LHFPL3: variants seen among roughly 807,000 people sequenced by gnomAD.
The protein encoded by LHFPL3 is LHFPL tetraspan subfamily member 3 protein.
In LHFPL3, 5 loss-of-function variants were observed where a neutral mutation model predicts 19.3. The ratio of observed to expected loss-of-function variants is 0.26; its 90% confidence interval spans 0.14 to 0.54. The LOEUF is 0.54. LHFPL3 is among the 20% of genes least tolerant of loss of function. The probability of loss-of-function intolerance (pLI) is 0.94; values close to 1 mark genes in which losing one functional copy is unlikely to be tolerated. For synonymous variants in LHFPL3, 133 were observed against 126.2 expected (o/e 1.05, Z -0.36); for missense variants, 249 against 307.4 (o/e 0.81, Z 1.42).
intron 1 of LHFPL3, among the ~76,000 whole-genome samples, chr7:104,542,294 C>A (rs1794500662): frequency 6.6e-6 from 1 of 151,968 alleles, no homozygotes; most frequent in Non-Finnish European, 1.5e-5. Flanking sequence ...GACTTTGTTT[C>A]CCTAAGCAAG....
chr7:104,818,419 T>C (rs1420511095), intron 2 of LHFPL3, among the ~76,000 whole-genome samples: 1 of 150,918 alleles, frequency 6.6e-6, no homozygotes, highest in Admixed American at 6.6e-5. Context: ...CACGTACCTG[T>C]AGTCCCAACT....
At chr7:104,539,147 G>A (rs1383435079) in intron 1 of LHFPL3, among the ~76,000 whole-genome samples, 2 of 152,186 alleles carry the variant, frequency 1.3e-5, no homozygotes, top group Non-Finnish European at 2.9e-5. Flanking sequence ...TCAGGCATCT[G>A]ACCTCCAGAA....
intron 1 of LHFPL3, among the ~76,000 whole-genome samples, chr7:104,655,450 A>G (rs1372607572): frequency 1.3e-5 from 2 of 152,318 alleles, no homozygotes; most frequent in African/African-American, 2.4e-5. Flanking sequence ...TTGGCAGGAA[A>G]TGTTTGGTAT....
intron 1 of LHFPL3, among the ~76,000 whole-genome samples, chr7:104,570,254 G>C (rs1482438438): frequency 2.6e-5 from 4 of 152,166 alleles, no homozygotes; most frequent in African/African-American, 9.7e-5. Flanking sequence ...CCTGGCACAT[G>C]CTCAGCAGTT....
chr7:104,418,029 C>T (rs773155032), intron 1 of LHFPL3, among the ~76,000 whole-genome samples: 16 of 151,722 alleles, frequency 1.1e-4, no homozygotes, highest in Non-Finnish European at 1.9e-4. Flanking sequence ...ATTACAGGGA[C>T]CATGCCCAGC....
At chr7:104,794,602 G>T (rs1790083056) in intron 2 of LHFPL3, among the ~76,000 whole-genome samples, 1 of 152,186 alleles carries the variant, frequency 6.6e-6, no homozygotes. Flanking sequence ...AAAAATAGCT[G>T]CTGGAAATTA....
At chr7:104,877,136 G>A (rs1453798455) in intron 2 of LHFPL3, among the ~76,000 whole-genome samples, 1 of 152,186 alleles carries the variant, frequency 6.6e-6, no homozygotes, top group Non-Finnish European at 1.5e-5. Context: ...TGGGGTCAGG[G>A]GAGGAGGGAG....
chr7:104,439,796 T>C (rs1421432455), intron 1 of LHFPL3, among the ~76,000 whole-genome samples: 1 of 152,106 alleles, frequency 6.6e-6, no homozygotes, highest in Non-Finnish European at 1.5e-5. Context: ...AACAAGGATG[T>C]CTACTTTTAC....
intron 2 of LHFPL3, among the ~76,000 whole-genome samples, chr7:104,740,790 C>T (rs955399123): frequency 6.6e-6 from 1 of 152,296 alleles, no homozygotes; most frequent in South Asian, 2.1e-4. Context: ...GGAATTATTA[C>T]AATTCAAGGT....
chr7:104,866,688 A>T (rs1791729213), intron 2 of LHFPL3, among the ~76,000 whole-genome samples: 1 of 152,226 alleles, frequency 6.6e-6, no homozygotes, highest in Admixed American at 6.5e-5. Context: ...GTTAACAAGG[A>T]TATCCAGGAA....
chr7:104,384,169 G>A (rs1460759122), intron 1 of LHFPL3, among the ~76,000 whole-genome samples: 3 of 152,164 alleles, frequency 2.0e-5, no homozygotes, highest in Non-Finnish European at 4.4e-5. Context: ...GAGTATGGGA[G>A]AAGTGGAAGA....
intron 2 of LHFPL3, among the ~76,000 whole-genome samples, chr7:104,761,765 C>T (rs532968496): frequency 6.6e-6 from 1 of 152,266 alleles, no homozygotes; most frequent in South Asian, 2.1e-4. Flanking sequence ...TGCAGCTTGT[C>T]ACAAGCCTGA....
chr7:104,872,251 C>G (rs539359003), intron 2 of LHFPL3, among the ~76,000 whole-genome samples: 1 of 151,630 alleles, frequency 6.6e-6, no homozygotes, highest in African/African-American at 2.4e-5. Flanking sequence ...GCAGGAGAAT[C>G]GCTTGAACCC....
intron 1 of LHFPL3, among the ~76,000 whole-genome samples, chr7:104,452,671 T>A (rs1273606256): frequency 2.0e-5 from 3 of 152,236 alleles, no homozygotes; most frequent in African/African-American, 7.2e-5. Flanking sequence ...TTTCATCCTT[T>A]TATGTGTGTC....
chr7:104,573,308 A>T (rs1009409284), intron 1 of LHFPL3, among the ~76,000 whole-genome samples: 3 of 151,540 alleles, frequency 2.0e-5, no homozygotes, highest in South Asian at 2.1e-4. Context: ...GCTACTGGGG[A>T]GGCTGAGGCA....
intron 2 of LHFPL3, among the ~76,000 whole-genome samples, chr7:104,818,748 T>G (rs1258561289): frequency 6.6e-6 from 1 of 152,146 alleles, no homozygotes; most frequent in Non-Finnish European, 1.5e-5. Flanking sequence ...GAGATTTTGT[T>G]GGCTTGTTTG....
At position 104,413,803 on chromosome 7, in the gene LHFPL3, T is replaced by A. The variant is rs77506541; in HGVS notation, c.445+84579T>A. Among the ~76,000 whole-genome samples, 931 of 152,160 alleles carry A rather than the reference T, an allele frequency of 6.1e-3. 76 individuals are homozygous for A. In the East Asian group the frequency reaches 0.16, roughly 26 times the overall value. On this transcript the variant is annotated intron_variant, in intron 1 of 2. Transcript: ENST00000424859. ...TTGTTCTTAGTATTTTAAGGCCATT[T>A]AAAAAAAATAACCGTACTCTATTCC...
chr7:104,895,512 C>T (rs1034338412), intron 2 of LHFPL3: 1 of 152,248 alleles, frequency 6.6e-6, no homozygotes, highest in Non-Finnish European at 1.5e-5. Flanking sequence ...AGCTTTCAAA[C>T]TAGATTCCAT....
chr7:104,588,375 T>A (rs1326300186), intron 1 of LHFPL3, among the ~76,000 whole-genome samples: 1 of 152,222 alleles, frequency 6.6e-6, no homozygotes, highest in Non-Finnish European at 1.5e-5. Flanking sequence ...AAATAGGGAA[T>A]CATTTCCCCG....
Sources: gnomAD v4.1 joint callset for allele counts (sites outside exome capture counted in the v4.1 genomes callset) on GRCh38, gnomAD v4.1.1 for gene constraint, MANE v1.5 for transcripts, NCBI Gene and HGNC (gene_info 2026-07-23, HGNC 2026-07-21) for gene names.